Variants in MYH3 observed in about 807,000 individuals in gnomAD.
The protein encoded by MYH3 is myosin-3.
MYH3 carries 130 observed loss-of-function variants against 238.0 expected under a neutral mutation model. The ratio of observed to expected loss-of-function variants is 0.55; its 90% confidence interval spans 0.47 to 0.63. The LOEUF (loss-of-function observed/expected upper bound fraction) is 0.63, where lower values mean the gene tolerates loss of function less well. Ranked by LOEUF, MYH3 falls within the 30% of genes least tolerant of loss-of-function variation. The pLI is 0.00. For synonymous variants in MYH3, 880 were observed against 924.1 expected, an observed-to-expected ratio of 0.95 and a Z score of 0.86; for missense variants, 1,853 against 2,374.9, an observed-to-expected ratio of 0.78 and a Z score of 4.57.
Position 10,647,349 on chromosome 17 carries a change from A to G in MYH3, c.799+14T>C, listed in dbSNP as rs1185487075. On this transcript the variant is annotated intron_variant, in intron 9 of 40. Coordinates refer to ENST00000583535, the MANE Select transcript of MYH3 (RefSeq NM_002470.4). ...AACTCTGAGACGCCATCGAATCCCC[A>G]TGGATCTACTTACAAGTTTCAATAT... The G allele has an allele frequency of 6.2e-7, 1 of 1,614,120 alleles. No individual in the cohort carries two copies. The highest frequency in any genetic ancestry group is 2.2e-5 in the East Asian group (1 of 44,880).
intron 11 of MYH3, 26 bp downstream of exon 11, chr17:10,645,903 C>T: frequency 6.2e-7 from 1 of 1,613,664 alleles, no homozygotes; most frequent in Non-Finnish European, 8.5e-7. Flanking sequence ...GGAGGAACAC[C>T]CACCCCTTCT....
Position 10,648,581 on chromosome 17 carries a change from C to A in MYH3, c.711G>T (p.Val237=). 1 of 1,614,146 alleles carries A rather than the reference C, an allele frequency of 6.2e-7. No individual in the cohort carries two copies. Residue 237 remains valine, a synonymous_variant, in exon 8 of 41, where the codon GTG becomes GTT. Coordinates refer to ENST00000583535, the MANE Select transcript of MYH3 (RefSeq NM_002470.4). ...CAAAACGGGAGGAGTTGTCATTCCT[C>A]ACAGTCTTGGCGTTCCCAAAGGCCT... ...LLEAFGNAKT[V]RNDNSSRFGK... is the part of the protein sequence containing the mutation.
At position 10,631,746 on chromosome 17, in the gene MYH3, G is replaced by T. The variant is rs373467549; in HGVS notation, c.5161-10C>A. ...GGATGAGGCTGGTGTTCTAGGGCAAGAGGAGGGCTGTTAACCAGGTGCGTA... is the reference window on the plus strand; with the variant it reads ...GGATGAGGCTGGTGTTCTAGGGCAATAGGAGGGCTGTTAACCAGGTGCGTA... On this transcript the variant is annotated splice_polypyrimidine_tract_variant and intron_variant, in intron 35 of 40. Coordinates refer to ENST00000583535, the MANE Select transcript of MYH3 (RefSeq NM_002470.4). The T allele has an allele frequency of 1.3e-5, 21 of 1,614,050 alleles. No individual in the cohort carries two copies. The highest frequency in any genetic ancestry group is 1.6e-5 in the Non-Finnish European group (19 of 1,180,040).
chr17:10,649,769 G>C (rs1459827189), intron 6 of MYH3, 84 bp from the exon 7 acceptor site: 1 of 1,264,592 alleles, frequency 7.9e-7, no homozygotes, highest in East Asian at 2.3e-5. Flanking sequence ...TGAGGCCTGG[G>C]CATGGTCTGA....
chr17:10,644,766 G>T, intron 12 of MYH3, 64 bp from the exon 13 acceptor site: 1 of 1,329,354 alleles, frequency 7.5e-7, no homozygotes, highest in Non-Finnish European at 1.1e-6. Context: ...TCATCCAGAA[G>T]TTTCAAAGGT....
At chr17:10,635,050 T>C (rs2074200209) in intron 30 of MYH3, 27 bp from the exon 31 acceptor site, 1 of 1,608,650 alleles carries the variant, frequency 6.2e-7, no homozygotes, top group African/African-American at 1.3e-5. Flanking sequence ...GAGAAGCAGC[T>C]GTTATTTCAG....
At chr17:10,646,683 G>A (rs1163175897) in intron 10 of MYH3, among the ~76,000 whole-genome samples, 1 of 152,210 alleles carries the variant, frequency 6.6e-6, no homozygotes, top group Non-Finnish European at 1.5e-5. Flanking sequence ...GTCTAATCTT[G>A]TTGCCCTCCA....
At chr17:10,632,108 T>C (rs1404672013) in intron 34 of MYH3, 92 bp from the exon 35 acceptor site, 1 of 1,383,592 alleles carries the variant, frequency 7.2e-7, no homozygotes, top group Admixed American at 2.2e-5. Flanking sequence ...GTTTGTTTGT[T>C]TGTTTTTGTT....
chr17:10,642,753 A>G lies in MYH3; in HGVS notation c.1582-30T>C. On this transcript the variant is annotated intron_variant, in intron 15 of 40. Coordinates refer to ENST00000583535, the MANE Select transcript of MYH3 (RefSeq NM_002470.4). This position sits in a 1 kb window ranked among gnomAD's most constrained non-coding sequence, Gnocchi z 5.4. ...ATTGAAGGCAAGGCAAAGTGCAGAG[A>G]GGTAAATATGAGCTGCAGTAATGAG... 1 of 1,614,162 alleles carries G rather than the reference A, an allele frequency of 6.2e-7. No individual in the cohort carries two copies. The highest frequency in any genetic ancestry group is 8.5e-7 in the Non-Finnish European group (1 of 1,180,026).
rs375989909 is a variant in MYH3 at position 10,635,521 on chromosome 17, C to T, written c.4018G>A (p.Asp1340Asn). The part of the protein sequence containing the change: ...LAHALQSSRH[D>N]CDLLREQYEE... ...TACTGTTCCCGCAGCAGGTCACAGTCGTGGCGGGAGGACTGCAGGGCGTGC... is the reference window on the plus strand; with the variant it reads ...TACTGTTCCCGCAGCAGGTCACAGTTGTGGCGGGAGGACTGCAGGGCGTGC... The change falls in exon 30 of 41, where the codon GAC becomes AAC. Residue 1340 changes from aspartate to asparagine, a missense_variant. By Grantham distance (23) the Asp-to-Asn change is conservative. Transcript: ENST00000583535. 3.2e-5 allele frequency: 52 copies of T among 1,614,066 alleles called. No homozygotes were observed. The highest frequency in any genetic ancestry group is 8.3e-5 in the Admixed American group (5 of 60,000).
intron 28 of MYH3, among the ~76,000 whole-genome samples, chr17:10,636,907 CTCTG>C (rs2074221211): frequency 6.6e-6 from 1 of 150,444 alleles, no homozygotes; most frequent in Non-Finnish European, 1.5e-5. Flanking sequence ...GAGAGTGAGA[CTCTG>C]TCTAAAAAAA....
intron 11 of MYH3, 21 bp downstream of exon 11, chr17:10,645,908 C>T: frequency 1.9e-6 from 3 of 1,613,748 alleles, no homozygotes; most frequent in Non-Finnish European, 2.5e-6. Flanking sequence ...AACACCCACC[C>T]CTTCTGTTGG....
rs988945040 is a variant in MYH3 at position 10,654,021 on chromosome 17, G to A, written c.204+840C>T. Among the ~76,000 whole-genome samples the A allele has an allele frequency of 2.6e-5, 4 of 152,058 alleles. No individual in the cohort carries two copies. The highest frequency in any genetic ancestry group is 9.7e-5 in the African/African-American group (4 of 41,406). ...CTCCCAGGCTGGAGTGCAGTGGCGT[G>A]ATCTAGGCTCACTGCAAGCTCCACC... On this transcript the variant is annotated intron_variant, in intron 3 of 40. Coordinates refer to ENST00000583535, the MANE Select transcript of MYH3 (RefSeq NM_002470.4). This position sits in a 1 kb window ranked among gnomAD's most constrained non-coding sequence, Gnocchi z 4.5.
At chr17:10,655,462 C>T (rs974224897) in intron 2 of MYH3, among the ~76,000 whole-genome samples, 8 of 152,198 alleles carry the variant, frequency 5.3e-5, no homozygotes, top group Admixed American at 3.9e-4. Context: ...AAAATAAACG[C>T]CATCTTCAAA....
chr17:10,661,012 T>C (rs1236331789), upstream of MYH3, among the ~76,000 whole-genome samples: 1 of 150,928 alleles, frequency 6.6e-6, no homozygotes, highest in Non-Finnish European at 1.5e-5. Flanking sequence ...GTTTCACTCT[T>C]GTTGCCCAGG....
At position 10,638,102 on chromosome 17, in the gene MYH3, C is replaced by T. The variant is rs1177743320; in HGVS notation, c.3670G>A (p.Glu1224Lys). The part of the protein sequence containing the change: ...VKQKLEKEKS[E>K]FKLEIDDLSS... ...AGGTCATCGATCTCCAGCTTGAACTCGCTCTTCTCCTTCTCCAGCTTCTGC... is the reference window on the plus strand; with the variant it reads ...AGGTCATCGATCTCCAGCTTGAACTTGCTCTTCTCCTTCTCCAGCTTCTGC... The change falls in exon 27 of 41, where the codon GAG (glutamate) becomes AAG (lysine). Residue 1224 changes from glutamate to lysine, a missense_variant. Around this residue, in one of 3 missense-constraint regions of MYH3, gnomAD observed 1,044 missense variants for 1,192.6 expected, o/e 0.88. Coordinates refer to ENST00000583535, the MANE Select transcript of MYH3 (RefSeq NM_002470.4). The T allele has an allele frequency of 1.9e-6, 3 of 1,613,838 alleles. No individual in the cohort carries two copies. The highest frequency in any genetic ancestry group is 2.5e-6 in the Non-Finnish European group (3 of 1,179,980).
chr17:10,666,760 A>AAAAACC, the MYH3 span, among the ~76,000 whole-genome samples: 514 of 152,146 alleles, frequency 3.4e-3, 2 homozygotes, highest in African/African-American at 0.012. Context: ...AGACAAAAAC[A>AAAAACC]AAAACAAAAC....
At chr17:10,629,299 G>A (rs766792172) in intron 40 of MYH3, among the ~76,000 whole-genome samples, 2 of 152,098 alleles carry the variant, frequency 1.3e-5, no homozygotes, top group Non-Finnish European at 2.9e-5. Context: ...CTGTTTCTGT[G>A]TTAGTTTGCT....
At chr17:10,677,618 GTAAATCTCACCT>G in the MYH3 span, 14 of 152,216 alleles carry the variant, frequency 9.2e-5, no homozygotes, top group African/African-American at 3.4e-4. Flanking sequence ...CTGGTAGTCA[GTAAATCTCACCT>G]CTTACACTTA....
Sources: gnomAD v4.1 joint callset for allele counts (sites outside exome capture counted in the v4.1 genomes callset) on GRCh38, gnomAD v4.1.1 for gene constraint, gnomAD v4.1.1 regional missense constraint, Gnocchi (gnomAD v3.1) non-coding constraint, MANE v1.5 for transcripts, NCBI Gene and HGNC (gene_info 2026-07-23, HGNC 2026-07-21) for gene names.